PTPRZ1: variants seen among roughly 807,000 people sequenced by gnomAD.
PTPRZ1 encodes the protein protein tyrosine phosphatase receptor type Z1.
PTPRZ1 carries 82 observed loss-of-function variants against 214.1 expected under a neutral mutation model. That is an observed-to-expected ratio of 0.38 (90% CI 0.32 to 0.46). The LOEUF (loss-of-function observed/expected upper bound fraction) is 0.46, where lower values mean the gene tolerates loss of function less well. Among genes scored for constraint, PTPRZ1 ranks in the 20% least tolerant of loss-of-function variants. The probability of loss-of-function intolerance (pLI) is 1.00; values close to 1 mark genes in which losing one functional copy is unlikely to be tolerated. For missense variants in PTPRZ1, 2,603 were observed against 2,748.7 expected (o/e 0.95, Z 1.19); for synonymous variants, 945 against 987.9 (o/e 0.96, Z 0.81).
chr7:122,009,905 T>C (rs1798595877), intron 11 of PTPRZ1, among the ~76,000 whole-genome samples: 1 of 152,202 alleles, frequency 6.6e-6, no homozygotes, highest in Non-Finnish European at 1.5e-5. Context: ...AATGTTCAAC[T>C]ACTTTGGTCT....
chr7:121,917,864 C>G (rs755052336), intron 1 of PTPRZ1, among the ~76,000 whole-genome samples: 1 of 152,034 alleles, frequency 6.6e-6, no homozygotes, highest in Non-Finnish European at 1.5e-5. Flanking sequence ...CTTGCTCATC[C>G]TGGTTTCTTT....
chr7:122,016,904 G>A (rs1414860174), intron 12 of PTPRZ1, among the ~76,000 whole-genome samples: 1 of 152,018 alleles, frequency 6.6e-6, no homozygotes, highest in Non-Finnish European at 1.5e-5. Context: ...AAAATCAACT[G>A]GAGGACTCGT....
At chr7:122,035,880 T>C (rs887682382) in intron 17 of PTPRZ1, among the ~76,000 whole-genome samples, 7 of 152,230 alleles carry the variant, frequency 4.6e-5, no homozygotes, top group Non-Finnish European at 8.8e-5. Flanking sequence ...AGTTTTTCTG[T>C]AGAACTGAAT....
intron 2 of PTPRZ1, among the ~76,000 whole-genome samples, chr7:121,949,543 A>T (rs1796492167): frequency 6.6e-6 from 1 of 152,228 alleles, no homozygotes; most frequent in African/African-American, 2.4e-5. Flanking sequence ...TTATGGACAA[A>T]TCGGAGAGTA....
intron 8 of PTPRZ1, among the ~76,000 whole-genome samples, chr7:121,995,544 G>T (rs1798106183): frequency 6.6e-6 from 1 of 152,162 alleles, no homozygotes; most frequent in Non-Finnish European, 1.5e-5. Flanking sequence ...TAAATTTGGG[G>T]CATGATTCCC....
At chr7:121,889,010 GAATTA>G (rs1794494734) in intron 1 of PTPRZ1, among the ~76,000 whole-genome samples, 1 of 152,104 alleles carries the variant, frequency 6.6e-6, no homozygotes, top group South Asian at 2.1e-4. Flanking sequence ...TATAGGGAAT[GAATTA>G]AATTATTGAA....
chr7:121,978,133 T>A (rs961439657), intron 6 of PTPRZ1, among the ~76,000 whole-genome samples: 2 of 152,190 alleles, frequency 1.3e-5, no homozygotes, highest in African/African-American at 4.8e-5. Context: ...TAATATCTAC[T>A]GTCTGAAAGC....
intron 17 of PTPRZ1, among the ~76,000 whole-genome samples, chr7:122,035,059 G>T (rs1412059789): frequency 6.6e-6 from 1 of 151,218 alleles, no homozygotes; most frequent in Non-Finnish European, 1.5e-5. Context: ...ATTCATCTTC[G>T]TGCTCCCTCC....
intron 2 of PTPRZ1, among the ~76,000 whole-genome samples, chr7:121,956,196 A>G (rs1252051032): frequency 6.6e-6 from 1 of 151,882 alleles, no homozygotes; most frequent in Admixed American, 6.6e-5. Context: ...TTTCCCAAAC[A>G]TTTCTTAAAA....
chr7:122,034,990 C>T (rs1157875393), intron 17 of PTPRZ1, among the ~76,000 whole-genome samples: 5 of 151,908 alleles, frequency 3.3e-5, no homozygotes, highest in Admixed American at 6.6e-5. Context: ...CTTCTTATAG[C>T]ACTTCTGGTT....
At chr7:121,917,558 C>G (rs1795462018) in intron 1 of PTPRZ1, among the ~76,000 whole-genome samples, 1 of 152,066 alleles carries the variant, frequency 6.6e-6, no homozygotes, top group Non-Finnish European at 1.5e-5. Context: ...AACCCAAATG[C>G]CTGAAAAATA....
At chr7:121,903,964 T>TCACACACACA (rs200372497) in intron 1 of PTPRZ1, among the ~76,000 whole-genome samples, 27 of 81,658 alleles carry the variant, frequency 3.3e-4, no homozygotes, top group Admixed American at 9.9e-4. Flanking sequence ...AGTCTTTAAA[T>TCACACACACA]CTCACACACA....
At chr7:122,036,946 A>G (rs1147491) in intron 18 of PTPRZ1, among the ~76,000 whole-genome samples, 26,745 of 152,148 alleles carry the variant, frequency 0.18, 3,097 homozygotes, top group African/African-American at 0.33. Context: ...AGGGTGGAAT[A>G]GGTAGATTCA....
rs3801381 is a variant in PTPRZ1, at chr7:121,874,608, C to T, written c.58+1051C>T. The stretch of plus-strand genomic sequence containing the variant: ...TTTTCATCCAATAGATGGTGCTGCT[C>T]TTGGCACAGTAACCTTTACAAACAG... On this transcript the variant is annotated intron_variant, in intron 1 of 29. Coordinates refer to ENST00000393386, the MANE Select transcript of PTPRZ1 (RefSeq NM_002851.3). 4.5e-4 allele frequency among the ~76,000 whole-genome samples: 68 copies of T among 152,274 alleles called. No homozygotes were observed. The East Asian group carries it at 0.013, about 29-fold the overall frequency.
intron 10 of PTPRZ1, among the ~76,000 whole-genome samples, chr7:121,998,679 C>T (rs905720014): frequency 6.6e-6 from 1 of 152,090 alleles, no homozygotes; most frequent in Non-Finnish European, 1.5e-5. Context: ...TGACAATTTA[C>T]AAGTTTACAT....
In PTPRZ1 at chr7:121,928,138, G is replaced by A; in HGVS notation, c.59-18G>A. 1 of 1,579,824 alleles carries A rather than the reference G, an allele frequency of 6.3e-7. No homozygotes were observed. Among genetic ancestry groups the A allele is most frequent in the Non-Finnish European group, 8.7e-7 (1 of 1,155,418 alleles). ...ATATTTTTCTACATACTGATTACTT[G>A]GTTTTTCTTTTTTATAGATTGGGCT... On this transcript the variant is annotated intron_variant, in intron 1 of 29. Coordinates refer to ENST00000393386, the MANE Select transcript of PTPRZ1 (RefSeq NM_002851.3).
chr7:121,923,492 T>C (rs1158004864), intron 1 of PTPRZ1, among the ~76,000 whole-genome samples: 1 of 152,144 alleles, frequency 6.6e-6, no homozygotes, highest in Non-Finnish European at 1.5e-5. Context: ...TGGCCACTTA[T>C]GGCAATAACG....
intron 12 of PTPRZ1, among the ~76,000 whole-genome samples, chr7:122,016,458 CAACT>C (rs1472694312): frequency 1.3e-5 from 2 of 151,610 alleles, no homozygotes; most frequent in African/African-American, 2.4e-5. Flanking sequence ...ACAAAGCAAC[CAACT>C]GATTGTCTGT....
intron 13 of PTPRZ1, among the ~76,000 whole-genome samples, chr7:122,022,399 T>G (rs893243093): frequency 1.3e-5 from 2 of 152,294 alleles, no homozygotes; most frequent in East Asian, 3.9e-4. Flanking sequence ...AGTTGTGGTT[T>G]TGTTTGTTTG....
Sources: allele counts gnomAD v4.1 joint callset (sites outside exome capture counted in the v4.1 genomes callset), GRCh38; gene constraint gnomAD v4.1.1; transcripts MANE v1.5; gene names NCBI Gene and HGNC (gene_info 2026-07-23, HGNC 2026-07-21).